TRIM2: variants seen among roughly 807,000 people sequenced by gnomAD.
TRIM2 encodes tripartite motif containing 2, also known as tripartite motif-containing protein 2.
TRIM2 carries 20 observed loss-of-function variants against 75.2 expected under a neutral mutation model. The ratio of observed to expected loss-of-function variants is 0.27; its 90% CI spans 0.19 to 0.39. The LOEUF is 0.39. Ranked by LOEUF, TRIM2 falls within the 10% of genes least tolerant of loss-of-function variation. The pLI is 1.00. For synonymous variants in TRIM2, 373 were observed against 388.3 expected (o/e 0.96, Z 0.46); for missense variants, 660 against 990.8 (o/e 0.67, Z 4.48).
chr4:153,260,341 T>C (rs1423871195), intron 1 of TRIM2, among the ~76,000 whole-genome samples: 1 of 152,140 alleles, frequency 6.6e-6, no homozygotes, highest in Non-Finnish European at 1.5e-5. Context: ...TGCTGTGAGA[T>C]GAATGTCTAT....
chr4:153,322,309 G>A (rs891239825), intron 8 of TRIM2, among the ~76,000 whole-genome samples: 27 of 152,172 alleles, frequency 1.8e-4, no homozygotes, highest in Admixed American at 9.8e-4. Flanking sequence ...TATTCAGGAG[G>A]CTGAGGCAGG....
At chr4:153,318,283 T>C (rs188507024) in intron 8 of TRIM2, among the ~76,000 whole-genome samples, 1 of 152,388 alleles carries the variant, frequency 6.6e-6, no homozygotes, top group Admixed American at 6.5e-5. Context: ...TTCAGACTGC[T>C]GTAGTCCCCT....
chr4:153,332,801 T>G (rs538811302), intron 11 of TRIM2, among the ~76,000 whole-genome samples: 3 of 152,246 alleles, frequency 2.0e-5, no homozygotes, highest in Middle Eastern at 3.4e-3. Flanking sequence ...ATAGCTAAAA[T>G]TAAAAATATT....
chr4:153,276,362 C>G (rs1340821456), intron 3 of TRIM2: 2 of 560,610 alleles, frequency 3.6e-6, no homozygotes, highest in Non-Finnish European at 3.2e-6. Context: ...GTTGGTATCC[C>G]CAGGACAGCA....
chr4:153,269,253 G>A lies in TRIM2; in HGVS notation c.31-1082G>A, dbSNP rs145389805. 4.7e-3 allele frequency among the ~76,000 whole-genome samples: 711 copies of A among 152,226 alleles called. 2 individuals carry two copies. Among genetic ancestry groups the A allele is most frequent in the Non-Finnish European group, 6.1e-3 (415 of 68,012 alleles). ...ATTTTGACAAAGGACAATATATTGC[G>A]GAGAACTGCCTAGACAAAAGAAAGA... On this transcript the variant is annotated intron_variant, in intron 1 of 11. Transcript: ENST00000338700.
intron 1 of TRIM2, among the ~76,000 whole-genome samples, chr4:153,260,922 G>T (rs1055804952): frequency 1.3e-5 from 2 of 151,954 alleles, no homozygotes; most frequent in Admixed American, 1.3e-4. Flanking sequence ...TCAATTGCAG[G>T]CAAATTATAA....
intron 1 of TRIM2, among the ~76,000 whole-genome samples, chr4:153,233,939 C>G (rs745871316): frequency 1.8e-4 from 27 of 152,138 alleles, no homozygotes; most frequent in Admixed American, 7.2e-4. Flanking sequence ...GTACAGGCAC[C>G]GGGCTGCTTT....
intron 3 of TRIM2, among the ~76,000 whole-genome samples, chr4:153,278,208 G>A (rs1304576730): frequency 6.6e-6 from 1 of 152,060 alleles, no homozygotes; most frequent in Non-Finnish European, 1.5e-5. Flanking sequence ...TGGCTTAAGC[G>A]ATCTTTCCAC....
In TRIM2 at chr4:153,163,493, A is replaced by ATATTTTT. The variant is rs1390228832; in HGVS notation, c.-49+10224_-49+10225insATTTTTT. ...ACCACTGCACCCAACCTAGATTTACATCTTTTTTTTTTTTTTTTTTTTTTT... is the reference window on the plus strand; with the variant it reads ...ACCACTGCACCCAACCTAGATTTACATATTTTTTCTTTTTTTTTTTTTTTTTTTTTTT... On this transcript the variant is annotated intron_variant, in intron 1 of 11. Coordinates refer to the TRIM2 transcript ENST00000437508. Among the ~76,000 whole-genome samples, 4 of 80,882 alleles carry ATATTTTT rather than the reference A, an allele frequency of 4.9e-5. 1 individual carries two copies. The highest frequency in any genetic ancestry group is 1.1e-4 in the Non-Finnish European group (4 of 37,952). The allele number at this position is 80,882 out of a possible 152,430, so 53.1% of individuals were successfully genotyped here.
intron 6 of TRIM2, among the ~76,000 whole-genome samples, chr4:153,300,013 G>A (rs1763535871): frequency 6.6e-6 from 1 of 152,190 alleles, no homozygotes; most frequent in African/African-American, 2.4e-5. Flanking sequence ...TTCTATAGAA[G>A]TAAAAATTGC....
At chr4:153,311,502 T>G (rs912160139) in intron 6 of TRIM2, among the ~76,000 whole-genome samples, 5 of 152,090 alleles carry the variant, frequency 3.3e-5, no homozygotes, top group Admixed American at 1.3e-4. Context: ...AAATCAGTGT[T>G]CATCTATTCT....
chr4:153,236,105 C>T (rs1744961060), intron 1 of TRIM2, among the ~76,000 whole-genome samples: 1 of 152,034 alleles, frequency 6.6e-6, no homozygotes, highest in Admixed American at 6.6e-5. Flanking sequence ...TGCACTCATT[C>T]TCCCTCCTGC....
At chr4:153,220,855 C>G (rs1477158979) in intron 1 of TRIM2, among the ~76,000 whole-genome samples, 2 of 151,834 alleles carry the variant, frequency 1.3e-5, no homozygotes, top group Non-Finnish European at 2.9e-5. Context: ...CACTTCACAC[C>G]CACCAAGAAA....
At chr4:153,167,723 A>G (rs1303799979) in intron 1 of TRIM2, among the ~76,000 whole-genome samples, 2 of 152,180 alleles carry the variant, frequency 1.3e-5, no homozygotes, top group African/African-American at 2.4e-5. Context: ...AGTAACTGGA[A>G]GGAGAAAAAC....
At position 153,295,240 on chromosome 4, in the gene TRIM2, C is replaced by T. The variant is rs976409618; in HGVS notation, c.787-73C>T. The stretch of plus-strand genomic sequence containing the variant: ...GGCAGGTGTAGAGTCTCCTTCTCGC[C>T]GGTGGAGGGCACTGCCCCGGGCTAG... On this transcript the variant is annotated intron_variant, in intron 5 of 11. Transcript: ENST00000338700. The surrounding 1 kb of genome is among the most constrained non-coding windows in gnomAD (Gnocchi z 7.2). 24 of 1,460,442 alleles carry T rather than the reference C, an allele frequency of 1.6e-5. No homozygotes were observed. Among genetic ancestry groups the T allele is most frequent in the South Asian group, 2.9e-5 (2 of 68,094 alleles). The allele number at this position is 1,460,442 out of a possible 1,614,324, so 90.5% of individuals were successfully genotyped here.
At chr4:153,322,060 G>T (rs562426207) in intron 8 of TRIM2, among the ~76,000 whole-genome samples, 39 of 152,238 alleles carry the variant, frequency 2.6e-4, no homozygotes, top group African/African-American at 9.1e-4. Flanking sequence ...GCAGGGAACT[G>T]TGACCCCAGT....
chr4:153,337,132 GACTCTTGTCTAGATTGTTTAAAAGAA>G lies in TRIM2; in HGVS notation c.*2170_*2195del. 1.0e-6 allele frequency: 1 copy of G among 985,416 alleles called. No homozygotes were observed. The highest frequency in any genetic ancestry group is 1.2e-6 in the Non-Finnish European group (1 of 829,922). The allele number at this position is 985,416 out of a possible 1,614,324, so 61.0% of individuals were successfully genotyped here. On this transcript the variant is annotated 3_prime_UTR_variant, in exon 12 of 12. Transcript: ENST00000338700. ...AACGTTCTGCACAAAAGACAGGCTA[GACTCTTGTCTAGATTGTTTAAAAGAA>G]ACTTTTCAAATTGGTTACATTAATT...
At chr4:153,244,278 T>C (rs1268237334) in intron 1 of TRIM2, among the ~76,000 whole-genome samples, 1 of 16,172 alleles carries the variant, frequency 6.2e-5, no homozygotes, top group African/African-American at 3.3e-4. Context: ...CTCCTCCTCC[T>C]CCTCCTCCTC....
At chr4:153,264,650 G>A (rs1754449327) in intron 1 of TRIM2, among the ~76,000 whole-genome samples, 1 of 152,188 alleles carries the variant, frequency 6.6e-6, no homozygotes, top group Non-Finnish European at 1.5e-5. Context: ...TTGATTGAAG[G>A]CCGTTGTATA....
Sources: allele counts gnomAD v4.1 joint callset (sites outside exome capture counted in the v4.1 genomes callset), GRCh38; gene constraint gnomAD v4.1.1; non-coding constraint Gnocchi (gnomAD v3.1); transcripts MANE v1.5; gene names NCBI Gene and HGNC (gene_info 2026-07-23, HGNC 2026-07-21).